The following PLCB3 variants were observed in gnomAD, a reference collection of about 807,000 sequenced individuals.
The protein encoded by PLCB3 is 1-phosphatidylinositol 4,5-bisphosphate phosphodiesterase beta-3.
In PLCB3, 54 loss-of-function variants were observed where a neutral mutation model predicts 152.1. The ratio of observed to expected loss-of-function variants is 0.36; its 90% CI spans 0.29 to 0.45. The LOEUF is 0.45. PLCB3 is among the 20% of genes least tolerant of loss of function. The pLI, the probability that PLCB3 is intolerant of heterozygous loss-of-function variation, is 1.00. For synonymous variants in PLCB3, 717 were observed against 698.7 expected (o/e 1.03, Z -0.41); for missense variants, 1,248 against 1,687.5 (o/e 0.74, Z 4.56).
Position 64,255,574 on chromosome 11 carries a change from G to C in PLCB3, c.555G>C (p.Arg185=). The change falls in exon 7 of 31, where the codon CGG becomes CGC. Residue 185 remains arginine (R), a synonymous_variant. Transcript: ENST00000279230. This position sits in a 1 kb window ranked among gnomAD's most constrained non-coding sequence, Gnocchi z 6.8. ...AGATGTTCTCAGCAGACAAGAAGCG[G>C]GTGGAGACTGCGCTGGAATCCTGTG... ...ILKMFSADKK[R]VETALESCGL... is the part of the protein sequence containing the mutation. 6.2e-7 allele frequency: 1 copy of C among 1,613,936 alleles called. No homozygotes were observed. The highest frequency in any genetic ancestry group is 1.3e-5 in the African/African-American group (1 of 75,038).
intron 13 of PLCB3, among the ~76,000 whole-genome samples, chr11:64,259,758 C>G (rs988082746): frequency 6.6e-6 from 1 of 152,128 alleles, no homozygotes; most frequent in African/African-American, 2.4e-5. Flanking sequence ...TATGCTACTT[C>G]CTGACTTCTC....
intron 16 of PLCB3, 120 bp from the exon 17 acceptor site, chr11:64,261,832 T>A: frequency 6.6e-7 from 1 of 1,505,114 alleles, no homozygotes; most frequent in Non-Finnish European, 9.1e-7. Flanking sequence ...TCAGGGGGCA[T>A]GGCTAGGCTA....
intron 1 of PLCB3, among the ~76,000 whole-genome samples, chr11:64,252,476 G>A (rs2135034625): frequency 6.6e-6 from 1 of 152,288 alleles, no homozygotes; most frequent in Middle Eastern, 3.4e-3. Flanking sequence ...TCCCCATCCT[G>A]GGTGCATCCT....
At position 64,261,457 on chromosome 11, in the gene PLCB3, A is replaced by G. The variant is rs752754976; in HGVS notation, c.1789A>G (p.Ile597Val). The G allele has an allele frequency of 4.5e-5, 73 of 1,614,126 alleles. 2 individuals are homozygous for G. In the South Asian group the frequency reaches 7.7e-4, roughly 17 times the overall value. The change falls in exon 15 of 31, where the codon ATC (isoleucine) becomes GTC (valine). Residue 597 changes from isoleucine (I) to valine (V), a missense_variant. By Grantham distance (29) the Ile-to-Val change is conservative. Transcript: ENST00000279230. ...TEEMSTLVNYIEPVKFKSFEA... is the reference protein window; with the variant it reads ...TEEMSTLVNYVEPVKFKSFEA... ...GGAGATGTCCACGCTTGTCAACTAC[A>G]TCGAACCTGTCAAGTTCAAGTCCTT...
rs1290498415 is a variant in PLCB3, at chr11:64,266,540, C to G, written c.3402C>G (p.Asn1134Lys). 6.2e-7 allele frequency: 1 copy of G among 1,613,934 alleles called. No homozygotes were observed. Among genetic ancestry groups the G allele is most frequent in the Admixed American group, 1.7e-5 (1 of 60,004 alleles). Residue 1134 changes from asparagine to lysine, a missense_variant, in exon 29 of 31, where the codon AAC becomes AAG. Physicochemically the swap from Asn to Lys is moderately conservative, Grantham distance 94 (BLOSUM62 0). Around this residue, in one of 6 missense-constraint regions of PLCB3, gnomAD observed 477 missense variants for 489.6 expected, o/e 0.97. Coordinates refer to ENST00000279230, the MANE Select transcript of PLCB3 (RefSeq NM_000932.5). The surrounding 1 kb of genome is among the most constrained non-coding windows in gnomAD (Gnocchi z 4.9). ...GTCGGCACATCACTGAGTCAGTCAA[C>G]TCCATCCGTCGGGTGAGTCAGGCTC... Reference protein sequence around the residue: ...INRRHITESVNSIRRLEEAQK... With the variant: ...INRRHITESVKSIRRLEEAQK...
downstream of PLCB3, chr11:64,268,824 TTGAG>T (rs1186562848): frequency 8.5e-5 from 13 of 152,406 alleles, no homozygotes; most frequent in Admixed American, 3.9e-4. Context: ...CTCCTGCCAA[TTGAG>T]TATCTTCTTT....
At chr11:64,261,878 C>G in intron 16 of PLCB3, 74 bp from the exon 17 acceptor site, 1 of 1,596,464 alleles carries the variant, frequency 6.3e-7, no homozygotes, top group Admixed American at 1.7e-5. Flanking sequence ...CACAGGAGCA[C>G]CTGGCTGAGG....
rs1411785038 is a variant in PLCB3 at position 64,255,734 on chromosome 11, G to A, written c.611G>A (p.Arg204Gln). ...CTCGACCTCCAGAGTGAGTCCATCC[G>A]GCCTGATGAGTTTTCCTTGGAAATC... The part of the protein sequence containing the change: ...GLKFNRSESI[R>Q]PDEFSLEIFE... The change falls in exon 8 of 31, where the codon CGG becomes CAG. Residue 204 changes from arginine to glutamine, a missense_variant. By Grantham distance (43) the Arg-to-Gln change is conservative. Around this residue, in one of 6 missense-constraint regions of PLCB3, gnomAD observed 299 missense variants for 434.7 expected, o/e 0.69. Coordinates refer to ENST00000279230, the MANE Select transcript of PLCB3 (RefSeq NM_000932.5). The surrounding 1 kb of genome is among the most constrained non-coding windows in gnomAD (Gnocchi z 6.8). 11 of 1,613,836 alleles carry A rather than the reference G, an allele frequency of 6.8e-6. No homozygotes were observed. Among genetic ancestry groups the A allele is most frequent in the Admixed American group, 3.3e-5 (2 of 60,000 alleles).
chr11:64,258,724 C>T lies in PLCB3; in HGVS notation c.1253+11C>T, dbSNP rs1034475605. Reference sequence around the variant, plus strand: ...GAACCATGTGGACTCGTGAGTGAGCCCCTGGCATGAAACCCCATGGACCGG... The same window carrying T: ...GAACCATGTGGACTCGTGAGTGAGCTCCTGGCATGAAACCCCATGGACCGG... On this transcript the variant is annotated intron_variant, in intron 11 of 30. Coordinates refer to ENST00000279230, the MANE Select transcript of PLCB3 (RefSeq NM_000932.5). The surrounding 1 kb of genome is among the most constrained non-coding windows in gnomAD (Gnocchi z 7.2). 6.2e-7 allele frequency: 1 copy of T among 1,613,022 alleles called. No individual in the cohort carries two copies. Among genetic ancestry groups the T allele is most frequent in the South Asian group, 1.1e-5 (1 of 91,064 alleles).
Position 64,265,882 on chromosome 11 carries a change from G to A in PLCB3, c.3036-4G>A, listed in dbSNP as rs1222452725. 5.0e-6 allele frequency: 8 copies of A among 1,611,932 alleles called. No homozygotes were observed. The highest frequency in any genetic ancestry group is 4.5e-5 in the East Asian group (2 of 44,854). On this transcript the variant is annotated splice_polypyrimidine_tract_variant and splice_region_variant and intron_variant, in intron 25 of 30. Transcript: ENST00000279230. ...GGCATCACCCAGAGGGGTTCTCCTC[G>A]CAGAGGTGGGGCCGCTGATGTGGAG... is the stretch of plus-strand genomic sequence containing the variant.
chr11:64,266,135 C>T lies in PLCB3; in HGVS notation c.3199C>T (p.Arg1067Trp), dbSNP rs566345432. ...RLEHLRQALQ[R>W]LREVVLDANT... ...CTCCCTGTGTCCACAGGCTCTGCAG[C>T]GGCTCAGGGAGGTCGTCCTTGATGC... Residue 1067 changes from arginine to tryptophan, a missense_variant, in exon 27 of 31, where the codon CGG (arginine) becomes TGG (tryptophan). Around this residue, in one of 6 missense-constraint regions of PLCB3, gnomAD observed 477 missense variants for 489.6 expected, o/e 0.97. Transcript: ENST00000279230. The surrounding 1 kb of genome is among the most constrained non-coding windows in gnomAD (Gnocchi z 4.9). The T allele has an allele frequency of 8.7e-6, 14 of 1,614,052 alleles. No individual in the cohort carries two copies. The highest frequency in any genetic ancestry group is 1.3e-5 in the African/African-American group (1 of 75,012).
At chr11:64,264,188 A>G in intron 22 of PLCB3, 76 bp downstream of exon 22, 1 of 984,328 alleles carries the variant, frequency 1.0e-6, no homozygotes, top group Non-Finnish European at 1.5e-6. Context: ...TGGCCACATG[A>G]GGAGGGGGCT....
At chr11:64,257,378 G>A (rs903467817) in intron 10 of PLCB3, among the ~76,000 whole-genome samples, 2 of 152,128 alleles carry the variant, frequency 1.3e-5, no homozygotes, top group Admixed American at 6.5e-5. Context: ...ACTTTGGGAG[G>A]CTGAAGCAGG....
Position 64,254,948 on chromosome 11 carries a change from G to A in PLCB3, c.297G>A (p.Leu99=). 6.2e-7 allele frequency: 1 copy of A among 1,602,018 alleles called. No homozygotes were observed. Among genetic ancestry groups the A allele is most frequent in the Non-Finnish European group, 8.5e-7 (1 of 1,172,852 alleles). ...VLGFGGPDAR[L]EEKLMTVVSG... ...GCTTTGGGGGTCCCGATGCCCGGCT[G>A]GAGGAGAAGCTGATGACGGTGGTGT... is the stretch of plus-strand genomic sequence containing the variant. Residue 99 remains leucine, a synonymous_variant, in exon 4 of 31, where the codon CTG becomes CTA. Transcript: ENST00000279230.
Position 64,264,017 on chromosome 11 carries a change from C to A in PLCB3, c.2561-4C>A, listed in dbSNP as rs778833109. 1.7e-5 allele frequency: 27 copies of A among 1,570,632 alleles called. No individual in the cohort carries two copies. The highest frequency in any genetic ancestry group is 2.1e-5 in the Non-Finnish European group (24 of 1,158,552). On this transcript the variant is annotated splice_polypyrimidine_tract_variant and splice_region_variant and intron_variant, in intron 21 of 30. Transcript: ENST00000279230. The stretch of plus-strand genomic sequence containing the variant: ...TGAGACCTTGGCCTTCTGCCTCCCC[C>A]CAGACTATGCGGAGGCCCTGATCAA...
At chr11:64,264,583 T>C (rs1382812217) in intron 22 of PLCB3, among the ~76,000 whole-genome samples, 2 of 152,166 alleles carry the variant, frequency 1.3e-5, no homozygotes, top group Non-Finnish European at 2.9e-5. Context: ...GAGTCCTCTG[T>C]TGATTTAATC....
In PLCB3 at chr11:64,259,073, C is replaced by T. The variant is rs1265157477; in HGVS notation, c.1354C>T (p.Pro452Ser). ...LDKYPLAPGV[P>S]LPSPQDLMGR... ...GCCTGCCCAGCTGGCCCCAGGCGTTCCCCTGCCCAGCCCCCAGGACCTGAT... is the reference window on the plus strand; with the variant it reads ...GCCTGCCCAGCTGGCCCCAGGCGTTTCCCTGCCCAGCCCCCAGGACCTGAT... The change falls in exon 13 of 31, where the codon CCC (proline) becomes TCC (serine). Residue 452 changes from proline to serine, a missense_variant. Pro to Ser is a moderately conservative substitution (Grantham distance 74, BLOSUM62 -1). Coordinates refer to ENST00000279230, the MANE Select transcript of PLCB3 (RefSeq NM_000932.5). 2 of 1,611,994 alleles carry T rather than the reference C, an allele frequency of 1.2e-6. No homozygotes were observed.
chr11:64,258,568 C>T lies in PLCB3; in HGVS notation c.1108C>T (p.Pro370Ser). 3 of 1,613,954 alleles carry T rather than the reference C, an allele frequency of 1.9e-6. No individual in the cohort carries two copies. The highest frequency in any genetic ancestry group is 2.5e-6 in the Non-Finnish European group (3 of 1,180,014). ...CVELDVWKGRPPEEEPFITHG... is the reference protein window; with the variant it reads ...CVELDVWKGRSPEEEPFITHG... ...GGAGCTGGACGTGTGGAAGGGACGGCCGCCTGAGGAGGAACCCTTCATTAC... is the reference window on the plus strand; with the variant it reads ...GGAGCTGGACGTGTGGAAGGGACGGTCGCCTGAGGAGGAACCCTTCATTAC... Residue 370 changes from proline to serine, a missense_variant, in exon 11 of 31, where the codon CCG becomes TCG. By Grantham distance (74) the Pro-to-Ser change is moderately conservative. This residue lies in a region of PLCB3 where 122 missense variants were observed against 221.8 expected (regional missense o/e 0.55). Transcript: ENST00000279230. The surrounding 1 kb of genome is among the most constrained non-coding windows in gnomAD (Gnocchi z 7.2).
intron 1 of PLCB3, 49 bp downstream of exon 1, chr11:64,251,797 C>A: frequency 9.0e-7 from 1 of 1,111,240 alleles, no homozygotes; most frequent in African/African-American, 1.6e-5. Flanking sequence ...CTCTTTCAGT[C>A]AAGCTCGACC....
Sources: gnomAD v4.1 joint callset for allele counts (sites outside exome capture counted in the v4.1 genomes callset) on GRCh38, gnomAD v4.1.1 for gene constraint, gnomAD v4.1.1 regional missense constraint, Gnocchi (gnomAD v3.1) non-coding constraint, MANE v1.5 for transcripts, NCBI Gene and HGNC (gene_info 2026-07-23, HGNC 2026-07-21) for gene names.